OR7C1: variants seen among roughly 807,000 people sequenced by gnomAD.
The protein encoded by OR7C1 is olfactory receptor family 7 subfamily C member 1.
For missense variants in OR7C1, 324 were observed against 383.3 expected (o/e 0.85, Z 1.29); for synonymous variants, 152 against 160.7 (o/e 0.95, Z 0.41).
At chr19:14,827,700 A>G in intron 1 of OR7C1, 1 of 1,614,220 alleles carries the variant, frequency 6.2e-7, no homozygotes, top group South Asian at 1.1e-5. Flanking sequence ...GACCTGATTA[A>G]GTTCACAGAA....
intron 1 of OR7C1, chr19:14,821,285 T>C (rs565801798): frequency 6.6e-6 from 1 of 152,214 alleles, no homozygotes; most frequent in East Asian, 1.9e-4. Flanking sequence ...TCCATAAATA[T>C]GGAATAGATA....
In OR7C1 at chr19:14,799,065, C is replaced by T. The variant is rs2044625248; in HGVS notation, c.*109G>A. On this transcript the variant is annotated 3_prime_UTR_variant, in exon 5 of 5. Coordinates refer to ENST00000641666, the Ensembl canonical transcript of OR7C1. ...AATAATTTCTTTCTAGCTCCTGTATCAAAGACACGATAAGATATGGTAATT... is the reference window on the plus strand; with the variant it reads ...AATAATTTCTTTCTAGCTCCTGTATTAAAGACACGATAAGATATGGTAATT... 5.8e-6 allele frequency: 8 copies of T among 1,382,794 alleles called. No individual in the cohort carries two copies. The Admixed American group carries it at 1.7e-4, about 30-fold the overall frequency. 85.7% of individuals were successfully genotyped at this position (1,382,794 alleles called of 1,614,324 possible).
chr19:14,819,622 A>G (rs1181674152), intron 1 of OR7C1, among the ~76,000 whole-genome samples: 2 of 152,180 alleles, frequency 1.3e-5, no homozygotes, highest in African/African-American at 2.4e-5. Context: ...AACTACTTTT[A>G]AAAATAGTGG....
At chr19:14,829,414 G>C (rs915953177) in intron 1 of OR7C1, among the ~76,000 whole-genome samples, 6 of 152,166 alleles carry the variant, frequency 3.9e-5, no homozygotes, top group Non-Finnish European at 8.8e-5. Context: ...TGTTGGTCAG[G>C]CTGGTCTTGA....
chr19:14,828,758 C>CAAAAAAAAAAAAAAAAA (rs58983718), intron 1 of OR7C1, among the ~76,000 whole-genome samples: 1 of 35,154 alleles, frequency 2.8e-5, no homozygotes, highest in African/African-American at 1.1e-4. Flanking sequence ...GACTCCATCT[C>CAAAAAAAAAAAAAAAAA]AAAAAAAAAA....
chr19:14,812,874 G>A (rs530809996), intron 1 of OR7C1, among the ~76,000 whole-genome samples: 7 of 151,740 alleles, frequency 4.6e-5, no homozygotes, highest in African/African-American at 1.4e-4. Context: ...GACCGGCCTT[G>A]CCAGCATGGT....
At chr19:14,810,305 A>G in intron 1 of OR7C1, among the ~76,000 whole-genome samples, 1 of 151,732 alleles carries the variant, frequency 6.6e-6, no homozygotes, top group East Asian at 1.9e-4. Flanking sequence ...TTTCTGAGGG[A>G]CACTCGGTTT....
At chr19:14,831,319 C>A (rs940686983) in intron 1 of OR7C1, among the ~76,000 whole-genome samples, 1 of 152,180 alleles carries the variant, frequency 6.6e-6, no homozygotes, top group Non-Finnish European at 1.5e-5. Flanking sequence ...GTAAAAGACT[C>A]ATTTTTTTCT....
intron 2 of OR7C1, among the ~76,000 whole-genome samples, chr19:14,806,678 T>G (rs1486748913): frequency 1.3e-5 from 2 of 151,940 alleles, no homozygotes; most frequent in Non-Finnish European, 2.9e-5. Flanking sequence ...GATGATGGCT[T>G]CCAGCTTCAT....
At chr19:14,801,379 C>T (rs537746835) in intron 2 of OR7C1, among the ~76,000 whole-genome samples, 13 of 152,246 alleles carry the variant, frequency 8.5e-5, no homozygotes, top group African/African-American at 3.1e-4. Context: ...TTTATGTGAT[C>T]ATATGTTACA....
At chr19:14,809,351 A>C (rs529643162) in intron 2 of OR7C1, among the ~76,000 whole-genome samples, 1 of 151,982 alleles carries the variant, frequency 6.6e-6, no homozygotes, top group African/African-American at 2.4e-5. Context: ...GCACATACGT[A>C]AAGGAAGGTC....
intron 1 of OR7C1, among the ~76,000 whole-genome samples, chr19:14,824,002 C>T (rs953341163): frequency 4.0e-5 from 6 of 151,778 alleles, no homozygotes; most frequent in African/African-American, 1.5e-4. Flanking sequence ...GTCAATGTGC[C>T]CCAATACAGT....
intron 1 of OR7C1, among the ~76,000 whole-genome samples, chr19:14,816,150 T>C (rs1212065122): frequency 4.6e-5 from 7 of 152,098 alleles, no homozygotes; most frequent in Admixed American, 4.6e-4. Flanking sequence ...GAGGAAACTT[T>C]CAGTGAAAGG....
intron 1 of OR7C1, among the ~76,000 whole-genome samples, chr19:14,832,488 C>T (rs376258804): frequency 1.3e-5 from 2 of 149,786 alleles, no homozygotes; most frequent in East Asian, 3.9e-4. Context: ...TGCAGTGGCG[C>T]GATCTCGGCT....
chr19:14,832,080 G>A (rs879889026), intron 1 of OR7C1, among the ~76,000 whole-genome samples: 4 of 151,980 alleles, frequency 2.6e-5, no homozygotes, highest in Non-Finnish European at 5.9e-5. Flanking sequence ...AGCTAATTTT[G>A]TTCATGCTTT....
exon 5 of OR7C1, chr19:14,799,756 A>G (rs1306966641): frequency 6.2e-7 from 1 of 1,613,980 alleles, no homozygotes; most frequent in Non-Finnish European, 8.5e-7. Flanking sequence ...GCAGGGGGTG[A>G]CAGACGGCCA....
At chr19:14,811,283 G>A (rs1474002156) in intron 1 of OR7C1, among the ~76,000 whole-genome samples, 3 of 151,856 alleles carry the variant, frequency 2.0e-5, no homozygotes, top group African/African-American at 7.3e-5. Flanking sequence ...GCTTCCTCCA[G>A]AGTCTCTAAC....
At chr19:14,822,981 T>C (rs570079272) in intron 1 of OR7C1, among the ~76,000 whole-genome samples, 1 of 152,302 alleles carries the variant, frequency 6.6e-6, no homozygotes, top group South Asian at 2.1e-4. Context: ...TGTTGATTGT[T>C]TTCTTTGCTG....
At chr19:14,820,507 T>C (rs996901534) in intron 1 of OR7C1, among the ~76,000 whole-genome samples, 1 of 151,746 alleles carries the variant, frequency 6.6e-6, no homozygotes, top group Non-Finnish European at 1.5e-5. Context: ...ATGGCACATG[T>C]ATAGCTATGT....
Sources: allele counts gnomAD v4.1 joint callset (sites outside exome capture counted in the v4.1 genomes callset), GRCh38; gene constraint gnomAD v4.1.1; transcripts MANE v1.5; gene names NCBI Gene and HGNC (gene_info 2026-07-23, HGNC 2026-07-21).